CD99L2: variants seen among roughly 807,000 people sequenced by gnomAD.
CD99L2 encodes CD99 antigen-like protein 2.
Under a neutral mutation model 27.3 loss-of-function variants are expected in CD99L2, and 24 were observed. The ratio of observed to expected loss-of-function variants is 0.88; its 90% CI spans 0.64 to 1.24. The LOEUF (loss-of-function observed/expected upper bound fraction) is 1.24, where lower values mean the gene tolerates loss of function less well. Among genes scored for constraint, CD99L2 ranks in the 50% most tolerant of loss-of-function variants. The probability of loss-of-function intolerance (pLI) is 0.00; values close to 1 mark genes in which losing one functional copy is unlikely to be tolerated. For synonymous variants in CD99L2, 97 were observed against 87.9 expected, an observed-to-expected ratio of 1.10 and a Z score of -0.58; for missense variants, 255 against 221.6, an observed-to-expected ratio of 1.15 and a Z score of -0.96.
At chrX:150,870,439 T>G (rs1407081047) in intron 1 of CD99L2, among the ~76,000 whole-genome samples, 1 of 111,966 alleles carries the variant, frequency 8.9e-6, no homozygotes, top group African/African-American at 3.2e-5. Flanking sequence ...CGTACAAAAA[T>G]GAGCCGGGCA....
intron 9 of CD99L2, among the ~76,000 whole-genome samples, chrX:150,773,755 C>G: frequency 8.9e-6 from 1 of 112,484 alleles, no homozygotes; most frequent in Non-Finnish European, 1.9e-5. Flanking sequence ...CATCCGGAGT[C>G]CCCTGGAACT....
At chrX:150,857,219 C>T (rs67074337) in intron 1 of CD99L2, among the ~76,000 whole-genome samples, 5,860 of 111,136 alleles carry the variant, frequency 0.053, 165 homozygotes, top group African/African-American at 0.1. Flanking sequence ...ATGAAAACTT[C>T]CCATGCCTAG....
At position 150,824,637 on chromosome X, in the gene CD99L2, G is replaced by A. The variant is rs868969819; in HGVS notation, c.130+6594C>T. On this transcript the variant is annotated intron_variant, in intron 2 of 10. Transcript: ENST00000370377. ...GAAGGAGAAGAAGGAGGAGAAGAAGGAGGAGAAGAAGAAGAAGAAGAAGAA... is the reference window on the plus strand; with the variant it reads ...GAAGGAGAAGAAGGAGGAGAAGAAGAAGGAGAAGAAGAAGAAGAAGAAGAA... Among the ~76,000 whole-genome samples the A allele has an allele frequency of 8.0e-3, 505 of 63,424 alleles. 6 individuals are homozygous for A. The highest frequency in any genetic ancestry group is 0.034 in the African/African-American group (475 of 13,967). The allele number at this position is 63,424 out of a possible 115,157, so 55.1% of individuals were successfully genotyped here. A position where few individuals can be genotyped will look rare whatever the true frequency, so the allele number is the denominator to read the frequency against.
intron 1 of CD99L2, among the ~76,000 whole-genome samples, chrX:150,857,263 A>G (rs782276046): frequency 1.6e-4 from 18 of 111,342 alleles, no homozygotes; most frequent in African/African-American, 5.9e-4. Flanking sequence ...CAGGAGGTCC[A>G]GTGATCCCCA....
intron 7 of CD99L2, among the ~76,000 whole-genome samples, chrX:150,784,583 C>T (rs1049117741): frequency 1.3e-4 from 15 of 112,360 alleles, no homozygotes; most frequent in African/African-American, 4.9e-4. Flanking sequence ...CTGGCTCTCG[C>T]ACTCCTTTGA....
At chrX:150,800,246 T>G (rs1329351316) in intron 4 of CD99L2, among the ~76,000 whole-genome samples, 3 of 111,065 alleles carry the variant, frequency 2.7e-5, no homozygotes, top group African/African-American at 9.9e-5. Flanking sequence ...GAGGAGTTAC[T>G]GTTGTAGGGG....
At chrX:150,821,490 C>T (rs2046241696) in intron 2 of CD99L2, among the ~76,000 whole-genome samples, 1 of 111,768 alleles carries the variant, frequency 8.9e-6, no homozygotes, top group Admixed American at 9.5e-5. Context: ...CTACTTCTCA[C>T]CATATACAAA....
At chrX:150,822,375 AGAGAGAAACTGC>A (rs1326219701) in intron 2 of CD99L2, among the ~76,000 whole-genome samples, 1 of 112,216 alleles carries the variant, frequency 8.9e-6, no homozygotes, top group African/African-American at 3.2e-5. Context: ...ATAAAAGAAT[AGAGAGAAACTGC>A]TTGATAGGTA....
At chrX:150,859,447 C>T (rs944749988) in intron 1 of CD99L2, among the ~76,000 whole-genome samples, 1 of 109,988 alleles carries the variant, frequency 9.1e-6, no homozygotes, top group Non-Finnish European at 1.9e-5. Context: ...TGCAGTGAGC[C>T]GAGATCGCGC....
At chrX:150,877,121 T>TTA (rs2047240475) in intron 1 of CD99L2, among the ~76,000 whole-genome samples, 1 of 64,090 alleles carries the variant, frequency 1.6e-5, no homozygotes, top group Non-Finnish European at 3.1e-5. Flanking sequence ...TGTCTCTTAA[T>TTA]AAAAAAAAAA....
chrX:150,816,101 C>T (rs782526223), intron 2 of CD99L2, 23 bp from the exon 3 acceptor site: 1 of 1,189,083 alleles, frequency 8.4e-7, no homozygotes, highest in Non-Finnish European at 1.1e-6. Flanking sequence ...GGGAGGACAG[C>T]AAGGGGAGCA....
At chrX:150,848,556 T>TAAA (rs55999462) in intron 1 of CD99L2, among the ~76,000 whole-genome samples, 5 of 93,772 alleles carry the variant, frequency 5.3e-5, no homozygotes, top group African/African-American at 1.2e-4. Flanking sequence ...TTCCACAATT[T>TAAA]AAAAAAAAAA....
chrX:150,778,199 C>A (rs1264459141), intron 7 of CD99L2, among the ~76,000 whole-genome samples: 1 of 110,303 alleles, frequency 9.1e-6, no homozygotes, highest in Non-Finnish European at 1.9e-5. Flanking sequence ...CACGCACGCA[C>A]CCCTTCCACA....
chrX:150,769,364 G>C (rs149311478), intron 10 of CD99L2, among the ~76,000 whole-genome samples: 1 of 112,396 alleles, frequency 8.9e-6, no homozygotes, highest in Non-Finnish European at 1.9e-5. Context: ...AGCGCTGCTG[G>C]AAGGGTTATT....
At chrX:150,772,869 G>A (rs989564122) in intron 9 of CD99L2, among the ~76,000 whole-genome samples, 1 of 110,859 alleles carries the variant, frequency 9.0e-6, no homozygotes, top group Non-Finnish European at 1.9e-5. Flanking sequence ...ACAGGAAGGC[G>A]CCATGGGAGA....
intron 1 of CD99L2, among the ~76,000 whole-genome samples, chrX:150,836,518 G>T (rs1203932497): frequency 1.8e-5 from 2 of 110,442 alleles, no homozygotes; most frequent in African/African-American, 6.6e-5. Context: ...GTAGAGATGG[G>T]GTTTTTCCAT....
At chrX:150,814,225 C>T (rs73609555) in intron 4 of CD99L2, among the ~76,000 whole-genome samples, 21,521 of 111,741 alleles carry the variant, frequency 0.19, 1,563 homozygotes, top group African/African-American at 0.26. Context: ...AGTTCACTGA[C>T]AGAGTTTCAC....
intron 4 of CD99L2, among the ~76,000 whole-genome samples, chrX:150,801,296 A>G (rs1340799485): frequency 1.8e-5 from 2 of 111,898 alleles, no homozygotes; most frequent in African/African-American, 6.5e-5. Flanking sequence ...ATTTATAAAG[A>G]AAAGAGGTTT....
chrX:150,894,477 A>C (rs781945254), intron 1 of CD99L2, among the ~76,000 whole-genome samples: 4 of 112,049 alleles, frequency 3.6e-5, no homozygotes, highest in African/African-American at 9.7e-5. Context: ...TTTAAAGCCT[A>C]CACTCCATGT....
Sources: gnomAD v4.1 joint callset for allele counts (sites outside exome capture counted in the v4.1 genomes callset) on GRCh38, gnomAD v4.1.1 for gene constraint, MANE v1.5 for transcripts, NCBI Gene and HGNC (gene_info 2026-07-23, HGNC 2026-07-21) for gene names.